SPTB: variants seen among roughly 807,000 people sequenced by gnomAD.
SPTB encodes the protein spectrin beta chain, erythrocytic.
A neutral mutation model predicts 256.2 loss-of-function variants in SPTB; 45 were observed. The observed-to-expected ratio is 0.18, with a 90% CI of 0.14 to 0.23. The LOEUF (loss-of-function observed/expected upper bound fraction) is 0.23. Ranked by LOEUF, SPTB falls within the 10% of genes least tolerant of loss-of-function variation. SPTB has a pLI of 1.00. For missense variants in SPTB, 2,715 were observed against 3,040.4 expected (o/e 0.89, Z 2.52); for synonymous variants, 1,231 against 1,243.1 (o/e 0.99, Z 0.21).
chr14:64,854,154 T>C (rs1033579628), intron 1 of SPTB, among the ~76,000 whole-genome samples: 2 of 150,742 alleles, frequency 1.3e-5, no homozygotes, highest in Non-Finnish European at 3.0e-5. Context: ...ATCGTGCCAC[T>C]GCACTCCAGC....
intron 15 of SPTB, among the ~76,000 whole-genome samples, chr14:64,791,124 A>C (rs981388327): frequency 2.0e-5 from 3 of 152,088 alleles, no homozygotes; most frequent in African/African-American, 7.2e-5. Flanking sequence ...TGTGCCCTCC[A>C]TCACACATAC....
intron 1 of SPTB, among the ~76,000 whole-genome samples, chr14:64,837,835 TG>T (rs2083548938): frequency 8.0e-6 from 1 of 125,558 alleles, no homozygotes; most frequent in Admixed American, 8.7e-5. Context: ...TCCTGACCTC[TG>T]GATCACCTCT....
In SPTB at chr14:64,825,577, G is replaced by A. The variant is rs1165282381; in HGVS notation, c.-51-2432C>T. On this transcript the variant is annotated intron_variant, in intron 1 of 35. Coordinates refer to ENST00000644917, the MANE Select transcript of SPTB (RefSeq NM_001355436.2). The surrounding 1 kb of genome is among the most constrained non-coding windows in gnomAD (Gnocchi z 4.8). Reference sequence around the variant, plus strand: ...GCCACAAGCCTGTCCAGCAGCCCCTGAGAAGGGCTGAGCTGCCAGACGCAG... The same window carrying A: ...GCCACAAGCCTGTCCAGCAGCCCCTAAGAAGGGCTGAGCTGCCAGACGCAG... Among the ~76,000 whole-genome samples the A allele has an allele frequency of 6.6e-6, 1 of 152,232 alleles. No homozygotes were observed. The highest frequency in any genetic ancestry group is 1.5e-5 in the Non-Finnish European group (1 of 68,040).
At chr14:64,771,867 G>C (rs1273257332) in intron 26 of SPTB, among the ~76,000 whole-genome samples, 2 of 152,190 alleles carry the variant, frequency 1.3e-5, no homozygotes, top group Admixed American at 1.3e-4. Context: ...AGCCCTGCAG[G>C]GCTGGCCTGG....
At chr14:64,818,117 T>C (rs537636604) in intron 2 of SPTB, among the ~76,000 whole-genome samples, 1 of 152,344 alleles carries the variant, frequency 6.6e-6, no homozygotes, top group South Asian at 2.1e-4. Flanking sequence ...TGGATTTGAA[T>C]GCAAAGGCAA....
Position 64,769,129 on chromosome 14 carries a change from GA to G in SPTB, c.5938-12del. On this transcript the variant is annotated splice_polypyrimidine_tract_variant and intron_variant, in intron 28 of 35. Coordinates refer to ENST00000644917, the MANE Select transcript of SPTB (RefSeq NM_001355436.2). ...CAGTTTCTCGCGGATCTATGGGGAG[GA>G]AAGGGAGAAAAGCTCAGGCTTGGCT... 6.2e-7 allele frequency: 1 copy of G among 1,612,766 alleles called. No homozygotes were observed. Among genetic ancestry groups the G allele is most frequent in the Non-Finnish European group, 8.5e-7 (1 of 1,179,480 alleles).
chr14:64,842,502 T>G (rs1198785835), intron 1 of SPTB, among the ~76,000 whole-genome samples: 1 of 152,216 alleles, frequency 6.6e-6, no homozygotes, highest in East Asian at 1.9e-4. Context: ...GGCCATTTAC[T>G]TATAGTCCGT....
In SPTB at chr14:64,795,515, T is replaced by C; in HGVS notation, c.1466A>G (p.Glu489Gly). 6.2e-7 allele frequency: 1 copy of C among 1,614,154 alleles called. No homozygotes were observed. The change falls in exon 12 of 36, where the codon GAG becomes GGG. Residue 489 changes from glutamate (E) to glycine (G), a missense_variant. Around this residue, in one of 4 missense-constraint regions of SPTB, gnomAD observed 416 missense variants for 571.1 expected, o/e 0.73. Transcript: ENST00000644917. This position sits in a 1 kb window ranked among gnomAD's most constrained non-coding sequence, Gnocchi z 6.5. ...RALEDLAQELEKENYHDQKRI... is the reference protein window; with the variant it reads ...RALEDLAQELGKENYHDQKRI... Reference sequence around the variant, plus strand: ...CTTCTGGTCATGGTAGTTCTCTTTCTCCAGCTCCTGAGCCAGGTCCTCCAG... The same window carrying C: ...CTTCTGGTCATGGTAGTTCTCTTTCCCCAGCTCCTGAGCCAGGTCCTCCAG...
chr14:64,765,993 G>A (rs1044429492), intron 32 of SPTB, among the ~76,000 whole-genome samples: 4 of 150,298 alleles, frequency 2.7e-5, no homozygotes, highest in African/African-American at 7.4e-5. Context: ...CATGTGGATG[G>A]GTGTGGTGTG....
At position 64,791,707 on chromosome 14, in the gene SPTB, C is replaced by T; in HGVS notation, c.2804+12G>A. ...GACAATGCCCCCGCCCCATGCCCTA[C>T]CCACACCCCACCTGGTGTTCAGATG... is the stretch of plus-strand genomic sequence containing the variant. On this transcript the variant is annotated intron_variant, in intron 15 of 35. Transcript: ENST00000644917. 1 of 1,613,652 alleles carries T rather than the reference C, an allele frequency of 6.2e-7. No individual in the cohort carries two copies.
Position 64,826,932 on chromosome 14 carries a change from A to G in SPTB, c.-51-3787T>C, listed in dbSNP as rs1489270994. Among the ~76,000 whole-genome samples, 2 of 152,218 alleles carry G rather than the reference A, an allele frequency of 1.3e-5. No homozygotes were observed. The highest frequency in any genetic ancestry group is 2.9e-5 in the Non-Finnish European group (2 of 68,040). ...CCTCATGGGATCACACAGAGGACTCAGCTCACAGAAGGAACATGTACTTAT... is the reference window on the plus strand; with the variant it reads ...CCTCATGGGATCACACAGAGGACTCGGCTCACAGAAGGAACATGTACTTAT... On this transcript the variant is annotated intron_variant, in intron 1 of 35. Coordinates refer to ENST00000644917, the MANE Select transcript of SPTB (RefSeq NM_001355436.2). The surrounding 1 kb of genome is among the most constrained non-coding windows in gnomAD (Gnocchi z 4.4).
chr14:64,754,140 TC>T, intron 32 of SPTB: 1 of 414,902 alleles, frequency 2.4e-6, no homozygotes, highest in Admixed American at 3.6e-5. Context: ...GGGGGCAGGT[TC>T]CAATGCTGCT....
intron 1 of SPTB, among the ~76,000 whole-genome samples, chr14:64,856,283 C>T (rs2083871158): frequency 6.6e-6 from 1 of 152,144 alleles, no homozygotes; most frequent in African/African-American, 2.4e-5. Flanking sequence ...TGTTAAAGGC[C>T]AAGAGTCCTT....
chr14:64,776,110 G>A (rs73275611), intron 22 of SPTB, among the ~76,000 whole-genome samples: 3,952 of 152,214 alleles, frequency 0.026, 122 homozygotes, highest in South Asian at 0.065. Flanking sequence ...GACTGGGCTA[G>A]CTGCTGCTGG....
Position 64,758,362 on chromosome 14 carries a change from G to A in SPTB, c.6346-4569C>T, listed in dbSNP as rs952022572. The stretch of plus-strand genomic sequence containing the variant: ...TGGAACATTCTGAGGCTTGAGACAG[G>A]AAGGGAGAAGCCATGTGAACAGGTA... On this transcript the variant is annotated intron_variant, in intron 32 of 35. Transcript: ENST00000644917. The surrounding 1 kb of genome is among the most constrained non-coding windows in gnomAD (Gnocchi z 4.6). 6.6e-6 allele frequency among the ~76,000 whole-genome samples: 1 copy of A among 152,254 alleles called. No homozygotes were observed. The highest frequency in any genetic ancestry group is 2.4e-5 in the African/African-American group (1 of 41,474).
rs779178924 is a variant in SPTB at position 64,792,985 on chromosome 14, G to A, written c.2666+12C>T. 11 of 1,613,712 alleles carry A rather than the reference G, an allele frequency of 6.8e-6. No individual in the cohort carries two copies. The East Asian group carries it at 2.0e-4, about 29-fold the overall frequency. ...GTACAGGGACGTGAGGAAAAGATGAGTTAACTCTGACCTGTGCTGCACGAC... is the reference window on the plus strand; with the variant it reads ...GTACAGGGACGTGAGGAAAAGATGAATTAACTCTGACCTGTGCTGCACGAC... On this transcript the variant is annotated intron_variant, in intron 14 of 35. Coordinates refer to ENST00000644917, the MANE Select transcript of SPTB (RefSeq NM_001355436.2). The surrounding 1 kb of genome is among the most constrained non-coding windows in gnomAD (Gnocchi z 4.2).
Position 64,750,020 on chromosome 14 carries a change from G to A in SPTB, c.6737C>T (p.Ala2246Val), listed in dbSNP as rs1555364743. Residue 2246 changes from alanine (A) to valine (V), a missense_variant, in exon 34 of 36, where the codon GCT becomes GTT. Ala to Val is a moderately conservative substitution (Grantham distance 64, BLOSUM62 0). Around this residue, in one of 4 missense-constraint regions of SPTB, gnomAD observed 2,239 missense variants for 2,384.4 expected, o/e 0.94. Transcript: ENST00000644917. The stretch of plus-strand genomic sequence containing the variant: ...GTGCTTCTTCTTCTTGTAGTTGGCA[G>A]CAATCTCACAGATGGCATGTCTCAG... ...LALRHAICEI[A>V]ANYKKKKHVF... is the part of the protein sequence containing the mutation. 1 of 1,614,238 alleles carries A rather than the reference G, an allele frequency of 6.2e-7. No homozygotes were observed. The highest frequency in any genetic ancestry group is 1.3e-5 in the African/African-American group (1 of 75,064).
At position 64,770,875 on chromosome 14, in the gene SPTB, C is replaced by A; in HGVS notation, c.5798+10G>T. ...AGGAGCTGCCTCTGCCTCAAGGACACTCCCCTCACCTGGGCCTCTCCTGGG... is the reference window on the plus strand; with the variant it reads ...AGGAGCTGCCTCTGCCTCAAGGACAATCCCCTCACCTGGGCCTCTCCTGGG... On this transcript the variant is annotated intron_variant, in intron 27 of 35. Transcript: ENST00000644917. 1.2e-6 allele frequency: 2 copies of A among 1,614,014 alleles called. No individual in the cohort carries two copies. Among genetic ancestry groups the A allele is most frequent in the Non-Finnish European group, 1.7e-6 (2 of 1,180,026 alleles).
Position 64,799,839 on chromosome 14 carries a change from G to T in SPTB, c.972C>A (p.Val324=). Residue 324 remains valine (V), a synonymous_variant, in exon 9 of 36, where the codon GTC becomes GTA. Transcript: ENST00000644917. ...LLTWIEQTIT[V]LNSRKFANSL... ...AGTTGGCAAACTTGCGGCTGTTCAGGACAGTGATGGTCTGCTCGATCCAGG... is the reference window on the plus strand; with the variant it reads ...AGTTGGCAAACTTGCGGCTGTTCAGTACAGTGATGGTCTGCTCGATCCAGG... The T allele has an allele frequency of 6.2e-7, 1 of 1,614,256 alleles. No homozygotes were observed.
Sources: allele counts gnomAD v4.1 joint callset (sites outside exome capture counted in the v4.1 genomes callset), GRCh38; gene constraint gnomAD v4.1.1; regional missense constraint gnomAD v4.1.1; non-coding constraint Gnocchi (gnomAD v3.1); transcripts MANE v1.5; gene names NCBI Gene and HGNC (gene_info 2026-07-23, HGNC 2026-07-21).